Variants in PAM observed in about 807,000 individuals in gnomAD.
PAM encodes peptidyl-glycine alpha-amidating monooxygenase.
A neutral mutation model predicts 122.1 loss-of-function variants in PAM; 72 were observed. That is an observed-to-expected ratio of 0.59 (90% CI 0.49 to 0.72). The LOEUF (loss-of-function observed/expected upper bound fraction) is 0.72. Ranked by LOEUF, PAM falls within the 30% of genes least tolerant of loss-of-function variation. The probability of loss-of-function intolerance (pLI) is 0.00; values close to 1 mark genes in which losing one functional copy is unlikely to be tolerated. For missense variants in PAM, 1,106 were observed against 1,183.7 expected (o/e 0.93, Z 0.96); for synonymous variants, 389 against 404.4 (o/e 0.96, Z 0.46).
chr5:102,876,030 A>G (rs1789079068), intron 3 of PAM, among the ~76,000 whole-genome samples: 1 of 152,192 alleles, frequency 6.6e-6, no homozygotes, highest in Non-Finnish European at 1.5e-5. Context: ...TGAGTAAATG[A>G]TTATAAACAA....
chr5:103,028,762 A>T (rs1785731141), intron 25 of PAM, 125 bp from the exon 26 acceptor site: 1 of 624,754 alleles, frequency 1.6e-6, no homozygotes, highest in Non-Finnish European at 2.8e-6. Flanking sequence ...TTTCTATTTT[A>T]TTTTTAAATA....
At position 102,885,094 on chromosome 5, in the gene PAM, T is replaced by TATATATATATATATATATATATATATAA. The variant is rs60241746; in HGVS notation, c.211-16261_211-16260insTATATATATATATATATATATATATAAA. 7.5e-3 allele frequency among the ~76,000 whole-genome samples: 1,114 copies of TATATATATATATATATATATATATATAA among 147,574 alleles called. 25 individuals carry two copies. The highest frequency in any genetic ancestry group is 0.024 in the East Asian group (117 of 4,834). On this transcript the variant is annotated intron_variant, in intron 3 of 25. Coordinates refer to ENST00000438793, the MANE Select transcript of PAM (RefSeq NM_001177306.2). ...CTTGTTTAATAACTATATATATATA[T>TATATATATATATATATATATATATATAA]AACTATAAAAGCTTTACTTGATTAT...
rs1053053103 is a variant in PAM, at chr5:102,888,535, C to T, written c.211-12821C>T. ...AGGCCTTTTATTATCTGGTTTTATTCAGTCTACTCAATTTCCTTTCTCAGA... is the reference window on the plus strand; with the variant it reads ...AGGCCTTTTATTATCTGGTTTTATTTAGTCTACTCAATTTCCTTTCTCAGA... On this transcript the variant is annotated intron_variant, in intron 3 of 25. Coordinates refer to ENST00000438793, the MANE Select transcript of PAM (RefSeq NM_001177306.2). 5.3e-5 allele frequency among the ~76,000 whole-genome samples: 8 copies of T among 151,992 alleles called. No individual in the cohort carries two copies. The East Asian group carries it at 1.6e-3, about 30-fold the overall frequency.
intron 4 of PAM, among the ~76,000 whole-genome samples, chr5:102,902,309 A>G (rs747350198): frequency 2.6e-5 from 4 of 151,542 alleles, no homozygotes; most frequent in Admixed American, 6.6e-5. Flanking sequence ...ACAGGAATGG[A>G]CATTATAGAC....
At chr5:102,861,105 C>G (rs903222331) in intron 1 of PAM, among the ~76,000 whole-genome samples, 2 of 152,188 alleles carry the variant, frequency 1.3e-5, no homozygotes, top group South Asian at 4.1e-4. Context: ...TTTTTGCCAA[C>G]AACCAGCACT....
At chr5:102,825,249 T>A (rs1454594655) in intron 1 of PAM, among the ~76,000 whole-genome samples, 1 of 152,202 alleles carries the variant, frequency 6.6e-6, no homozygotes, top group Admixed American at 6.5e-5. Context: ...GGATAATGGA[T>A]CTCTCTAGAT....
chr5:102,831,693 T>A (rs1230449323), intron 1 of PAM, among the ~76,000 whole-genome samples: 3 of 152,170 alleles, frequency 2.0e-5, no homozygotes, highest in Non-Finnish European at 2.9e-5. Flanking sequence ...TGGCTAACAT[T>A]GTTGGCACAC....
At chr5:102,942,551 T>C (rs1755620805) in intron 7 of PAM, among the ~76,000 whole-genome samples, 2 of 151,928 alleles carry the variant, frequency 1.3e-5, no homozygotes, top group South Asian at 4.1e-4. Flanking sequence ...GAAGATACGA[T>C]ACAGTTTAGA....
intron 1 of PAM, among the ~76,000 whole-genome samples, chr5:102,840,458 T>C (rs1250916352): frequency 2.0e-5 from 3 of 152,152 alleles, no homozygotes; most frequent in Non-Finnish European, 4.4e-5. Flanking sequence ...ACAAATGTGG[T>C]TATAATAAAT....
At chr5:102,909,823 C>G (rs1800834659) in intron 4 of PAM, among the ~76,000 whole-genome samples, 1 of 151,860 alleles carries the variant, frequency 6.6e-6, no homozygotes, top group Non-Finnish European at 1.5e-5. Flanking sequence ...AGAAAGTTAA[C>G]AATAGTTATC....
At chr5:102,866,656 G>T in intron 2 of PAM, 1 of 197,540 alleles carries the variant, frequency 5.1e-6, no homozygotes, top group South Asian at 1.1e-4. Context: ...GACTGTAATA[G>T]CTCACAAGGA....
At chr5:102,822,559 T>C (rs1772318706) in intron 1 of PAM, among the ~76,000 whole-genome samples, 1 of 152,110 alleles carries the variant, frequency 6.6e-6, no homozygotes, top group African/African-American at 2.4e-5. Flanking sequence ...GAATCGATTT[T>C]TTTTTTCTCC....
intron 16 of PAM, among the ~76,000 whole-genome samples, chr5:102,995,716 T>G (rs938588194): frequency 2.6e-5 from 4 of 152,152 alleles, no homozygotes; most frequent in Non-Finnish European, 1.5e-5. Flanking sequence ...CCTATCTATT[T>G]GTGGTATTTA....
At chr5:102,800,303 C>T (rs1764364566) in intron 1 of PAM, among the ~76,000 whole-genome samples, 1 of 152,186 alleles carries the variant, frequency 6.6e-6, no homozygotes, top group South Asian at 2.1e-4. Flanking sequence ...CAGTCATTCC[C>T]CCATCCAGTC....
chr5:102,884,625 T>A (rs1792368488), intron 3 of PAM, among the ~76,000 whole-genome samples: 2 of 151,906 alleles, frequency 1.3e-5, no homozygotes, highest in South Asian at 2.1e-4. Context: ...TATTTTCAGA[T>A]TTATGTAGTC....
At position 102,925,002 on chromosome 5, in the gene PAM, T is replaced by C; in HGVS notation, c.402T>C (p.Tyr134=). The C allele has an allele frequency of 6.3e-7, 1 of 1,597,320 alleles. No homozygotes were observed. The highest frequency in any genetic ancestry group is 2.2e-5 in the East Asian group (1 of 44,804). ...GTCTDKANIL[Y]AWARNAPPTR... ...GTACAGATAAAGCCAATATTCTGTA[T>C]GCCTGGGCGAGAAATGCTCCCCCTA... Residue 134 remains tyrosine, a synonymous_variant, in exon 6 of 26, where the codon TAT becomes TAC. Transcript: ENST00000438793.
chr5:102,927,738 CAATT>C (rs1750086589), intron 7 of PAM, among the ~76,000 whole-genome samples: 1 of 149,234 alleles, frequency 6.7e-6, no homozygotes, highest in Non-Finnish European at 1.5e-5. Context: ...AATATATTAT[CAATT>C]AATATATTTA....
In PAM at chr5:102,925,116, T is replaced by C. The variant is rs186072035; in HGVS notation, c.442+74T>C. On this transcript the variant is annotated intron_variant, in intron 6 of 25. Transcript: ENST00000438793. The stretch of plus-strand genomic sequence containing the variant: ...GTTTCCAAAGTACTTTTCATTATAG[T>C]CCTTTCTAACCAGTGTTGACAGTGT... The C allele has an allele frequency of 1.7e-5, 14 of 813,734 alleles. No homozygotes were observed. In the African/African-American group the frequency reaches 2.3e-4, roughly 14 times the overall value. 50.4% of individuals were successfully genotyped at this position (813,734 alleles called of 1,614,324 possible).
chr5:102,788,941 A>G (rs963248961), intron 1 of PAM, among the ~76,000 whole-genome samples: 3 of 152,148 alleles, frequency 2.0e-5, no homozygotes, highest in Non-Finnish European at 4.4e-5. Context: ...TTGGTGGCTC[A>G]GTGCTCTGTT....
Sources: allele counts gnomAD v4.1 joint callset (sites outside exome capture counted in the v4.1 genomes callset), GRCh38; gene constraint gnomAD v4.1.1; transcripts MANE v1.5; gene names NCBI Gene and HGNC (gene_info 2026-07-23, HGNC 2026-07-21).